The following SPMAP2L variants were observed in gnomAD, a reference collection of about 807,000 sequenced individuals.
The protein encoded by SPMAP2L is sperm microtubule associated protein 2 like.
the SPMAP2L span, among the ~76,000 whole-genome samples, chr4:56,554,699 A>G: frequency 6.6e-6 from 1 of 152,096 alleles, no homozygotes; most frequent in Non-Finnish European, 1.5e-5. Flanking sequence ...TCTTTTGTGA[A>G]TCATGCTTTT....
chr4:56,600,493 C>T, the SPMAP2L span, among the ~76,000 whole-genome samples: 2 of 151,692 alleles, frequency 1.3e-5, no homozygotes, highest in East Asian at 1.9e-4. Context: ...GGGGTTTCAC[C>T]GTGTTAGTCA....
At chr4:56,624,715 A>C in the SPMAP2L span, among the ~76,000 whole-genome samples, 5 of 152,186 alleles carry the variant, frequency 3.3e-5, no homozygotes, top group Admixed American at 3.3e-4. Flanking sequence ...CTGCGGGTGC[A>C]CAGAAGTCAA....
chr4:56,613,358 G>C, the SPMAP2L span, among the ~76,000 whole-genome samples: 3 of 152,136 alleles, frequency 2.0e-5, no homozygotes, highest in African/African-American at 7.2e-5. Flanking sequence ...ACCCTGGGTA[G>C]GATTGCAAGA....
the SPMAP2L span, chr4:56,603,067 A>G: frequency 2.3e-6 from 1 of 435,322 alleles, no homozygotes; most frequent in Non-Finnish European, 3.9e-6. Flanking sequence ...CTGAGTCTTG[A>G]TTTCCTTATC....
the SPMAP2L span, among the ~76,000 whole-genome samples, chr4:56,604,429 G>A: frequency 2.0e-5 from 3 of 152,138 alleles, no homozygotes; most frequent in African/African-American, 7.2e-5. Flanking sequence ...GGAGGCCGAG[G>A]CAGATGGATC....
chr4:56,594,979 T>G, the SPMAP2L span: 1 of 1,608,148 alleles, frequency 6.2e-7, no homozygotes, highest in Non-Finnish European at 8.5e-7. Flanking sequence ...GCGTAAGAAA[T>G]ACCTTGCCCC....
At chr4:56,604,482 A>G in the SPMAP2L span, among the ~76,000 whole-genome samples, 1 of 151,972 alleles carries the variant, frequency 6.6e-6, no homozygotes, top group African/African-American at 2.4e-5. Context: ...ACATGGTGAA[A>G]CCCCGTCTCT....
chr4:56,576,216 T>C, the SPMAP2L span, among the ~76,000 whole-genome samples: 4 of 152,194 alleles, frequency 2.6e-5, no homozygotes, highest in African/African-American at 9.7e-5. Flanking sequence ...TAAGAAATGA[T>C]AATAAACTTG....
chr4:56,572,105 A>G, the SPMAP2L span, among the ~76,000 whole-genome samples: 1 of 152,260 alleles, frequency 6.6e-6, no homozygotes, highest in African/African-American at 2.4e-5. Context: ...AACCCGTAAC[A>G]TGTAGTAAAT....
chr4:56,557,519 G>A, the SPMAP2L span, among the ~76,000 whole-genome samples: 7 of 152,186 alleles, frequency 4.6e-5, no homozygotes, highest in Non-Finnish European at 8.8e-5. Flanking sequence ...TAAATGTTAT[G>A]ATGGGAGAGA....
At chr4:56,545,551 C>A in the SPMAP2L span, among the ~76,000 whole-genome samples, 1 of 152,000 alleles carries the variant, frequency 6.6e-6, no homozygotes, top group African/African-American at 2.4e-5. Flanking sequence ...CATAGTGAGA[C>A]CCTGTCTACA....
At chr4:56,543,330 A>G in the SPMAP2L span, among the ~76,000 whole-genome samples, 2 of 152,118 alleles carry the variant, frequency 1.3e-5, no homozygotes, top group Non-Finnish European at 2.9e-5. Context: ...TGATCTGCCC[A>G]CCTTGGCCTC....
the SPMAP2L span, chr4:56,530,889 C>A: frequency 6.5e-7 from 1 of 1,534,802 alleles, no homozygotes; most frequent in East Asian, 2.4e-5. Flanking sequence ...ACCAGAGAGA[C>A]GAGTCCGAGG....
the SPMAP2L span, among the ~76,000 whole-genome samples, chr4:56,561,166 T>C: frequency 6.6e-6 from 1 of 152,220 alleles, no homozygotes. Flanking sequence ...AATTAAATAA[T>C]ATTTTCAAAT....
At chr4:56,604,037 A>C in the SPMAP2L span, among the ~76,000 whole-genome samples, 1 of 152,120 alleles carries the variant, frequency 6.6e-6, no homozygotes, top group Non-Finnish European at 1.5e-5. Context: ...AAATTAAACT[A>C]ACTTTTATGG....
At chr4:56,617,927 C>T in the SPMAP2L span, among the ~76,000 whole-genome samples, 1 of 152,180 alleles carries the variant, frequency 6.6e-6, no homozygotes, top group Non-Finnish European at 1.5e-5. Context: ...CAATGGCTTG[C>T]CAGTGCTTGT....
chr4:56,564,893 C>T, the SPMAP2L span, among the ~76,000 whole-genome samples: 1 of 152,078 alleles, frequency 6.6e-6, no homozygotes, highest in Non-Finnish European at 1.5e-5. Flanking sequence ...AAAATACTTT[C>T]TAATACCTCT....
At chr4:56,551,368 TG>T in the SPMAP2L span, among the ~76,000 whole-genome samples, 2 of 152,124 alleles carry the variant, frequency 1.3e-5, no homozygotes, top group African/African-American at 2.4e-5. Context: ...CCTTTTTCTT[TG>T]GGGCCTGCCT....
At chr4:56,545,781 T>C in the SPMAP2L span, among the ~76,000 whole-genome samples, 5 of 151,898 alleles carry the variant, frequency 3.3e-5, no homozygotes, top group Non-Finnish European at 5.9e-5. Flanking sequence ...AACAATTACT[T>C]AAACATTTTT....
Sources: gnomAD v4.1 joint callset for allele counts (sites outside exome capture counted in the v4.1 genomes callset) on GRCh38, gnomAD v4.1.1 for gene constraint, MANE v1.5 for transcripts, NCBI Gene and HGNC (gene_info 2026-07-23, HGNC 2026-07-21) for gene names.